Variants in MEMO1 observed in about 807,000 individuals in gnomAD.
MEMO1 encodes mediator of cell motility 1.
In MEMO1, 6 loss-of-function variants were observed where a neutral mutation model predicts 45.2. The ratio of observed to expected loss-of-function variants is 0.13; its 90% CI spans 0.07 to 0.26. MEMO1 has a LOEUF of 0.26. Ranked by LOEUF, MEMO1 falls within the 10% of genes least tolerant of loss-of-function variation. MEMO1 has a pLI of 1.00. For missense variants in MEMO1, 184 were observed against 370.5 expected, an observed-to-expected ratio of 0.50 and a Z score of 4.13; for synonymous variants, 78 against 124.3, an observed-to-expected ratio of 0.63 and a Z score of 2.48.
chr2:31,884,245 G>C (rs1021328903), intron 7 of MEMO1, among the ~76,000 whole-genome samples: 14 of 152,082 alleles, frequency 9.2e-5, no homozygotes, highest in Admixed American at 2.6e-4. Flanking sequence ...TGAAAATCAA[G>C]TTAAAAATTT....
chr2:31,880,524 A>G (rs536427906), intron 8 of MEMO1, among the ~76,000 whole-genome samples: 69 of 152,350 alleles, frequency 4.5e-4, no homozygotes, highest in South Asian at 6.2e-4. Context: ...TTACTAAAAT[A>G]TTTGATCTAC....
intron 8 of MEMO1, among the ~76,000 whole-genome samples, chr2:31,879,266 T>C (rs1453439209): frequency 1.3e-5 from 2 of 152,192 alleles, no homozygotes; most frequent in African/African-American, 4.8e-5. Context: ...TCCTCCCTCT[T>C]TGCTAAATAA....
At chr2:31,951,585 T>G (rs1414294551) in intron 2 of MEMO1, among the ~76,000 whole-genome samples, 2 of 151,934 alleles carry the variant, frequency 1.3e-5, no homozygotes, top group African/African-American at 4.8e-5. Flanking sequence ...CAGGCTGAAG[T>G]GCAGTGGCAC....
intron 6 of MEMO1, among the ~76,000 whole-genome samples, chr2:31,912,058 G>A (rs1365358224): frequency 6.6e-6 from 1 of 152,140 alleles, no homozygotes. Context: ...TATAGGCTGG[G>A]AGCGGTGGGT....
chr2:31,909,333 G>T (rs1302637921), intron 6 of MEMO1, among the ~76,000 whole-genome samples: 1 of 152,126 alleles, frequency 6.6e-6, no homozygotes, highest in Non-Finnish European at 1.5e-5. Context: ...TTGTTTGCAG[G>T]TGACATGGTC....
intron 2 of MEMO1, among the ~76,000 whole-genome samples, chr2:31,967,426 TAGTC>T (rs779712960): frequency 6.7e-6 from 1 of 150,304 alleles, no homozygotes; most frequent in African/African-American, 2.5e-5. Flanking sequence ...GCCCGGCCAA[TAGTC>T]AGTAACTATT....
In MEMO1 at chr2:31,979,449, C is replaced by A. The variant is rs538430014; in HGVS notation, c.61+30738G>T. ...AAAAGTTAACTAATACTAAACTGATCTTTACATGAGGTTTCACACTTATTA... is the reference window on the plus strand; with the variant it reads ...AAAAGTTAACTAATACTAAACTGATATTTACATGAGGTTTCACACTTATTA... On this transcript the variant is annotated intron_variant, in intron 2 of 9. Coordinates refer to ENST00000404530, the MANE Select transcript of MEMO1 (RefSeq NM_001301833.4). 3.3e-5 allele frequency among the ~76,000 whole-genome samples: 5 copies of A among 152,182 alleles called. No homozygotes were observed. In the East Asian group the frequency reaches 7.7e-4, roughly 24 times the overall value.
intron 7 of MEMO1, among the ~76,000 whole-genome samples, chr2:31,887,469 T>C (rs1279487507): frequency 6.6e-6 from 1 of 152,180 alleles, no homozygotes; most frequent in Non-Finnish European, 1.5e-5. Context: ...TAAGCCACTT[T>C]CAAATATTTA....
intron 2 of MEMO1, among the ~76,000 whole-genome samples, chr2:31,964,534 TA>T (rs921587964): frequency 6.6e-6 from 1 of 151,610 alleles, no homozygotes; most frequent in African/African-American, 2.4e-5. Flanking sequence ...CCGTCTCTAC[TA>T]AAAACACAAA....
intron 2 of MEMO1, among the ~76,000 whole-genome samples, chr2:31,988,875 AC>A: frequency 6.6e-6 from 1 of 152,268 alleles, no homozygotes. Flanking sequence ...ACAACTAGTT[AC>A]TTACTCTTGG....
intron 2 of MEMO1, among the ~76,000 whole-genome samples, chr2:31,978,584 C>A (rs1233138345): frequency 1.3e-5 from 2 of 152,208 alleles, no homozygotes; most frequent in Non-Finnish European, 1.5e-5. Flanking sequence ...AGGCACACGC[C>A]ACCATGACCG....
chr2:32,000,028 C>T (rs1673085630), intron 2 of MEMO1, among the ~76,000 whole-genome samples: 1 of 152,028 alleles, frequency 6.6e-6, no homozygotes, highest in African/African-American at 2.4e-5. Flanking sequence ...AAGCACACAT[C>T]AGCACATCAC....
At chr2:31,988,950 T>C (rs1250843706) in intron 2 of MEMO1, among the ~76,000 whole-genome samples, 4 of 152,060 alleles carry the variant, frequency 2.6e-5, no homozygotes, top group African/African-American at 9.7e-5. Context: ...CTCACGCCTG[T>C]AATCCCAGCA....
chr2:31,924,425 C>T (rs1447740643), intron 4 of MEMO1, among the ~76,000 whole-genome samples: 1 of 148,076 alleles, frequency 6.8e-6, no homozygotes, highest in South Asian at 2.1e-4. Context: ...AATATTAGCA[C>T]ATCATCGGTG....
At chr2:31,958,095 TA>T (rs1458905654) in intron 2 of MEMO1, among the ~76,000 whole-genome samples, 1 of 151,584 alleles carries the variant, frequency 6.6e-6, no homozygotes, top group African/African-American at 2.4e-5. Context: ...TGCAGGGGAA[TA>T]AAAAAAGGTA....
intron 2 of MEMO1, among the ~76,000 whole-genome samples, chr2:31,966,304 G>A (rs576949330): frequency 7.2e-5 from 11 of 152,166 alleles, no homozygotes; most frequent in Admixed American, 1.3e-4. Context: ...ATTTTACTAA[G>A]TTCTCACTTA....
intron 5 of MEMO1, among the ~76,000 whole-genome samples, chr2:31,918,745 G>A (rs1320486656): frequency 1.3e-5 from 2 of 152,106 alleles, no homozygotes; most frequent in Non-Finnish European, 2.9e-5. Flanking sequence ...AAGTTAACAT[G>A]TAAAAAATAT....
At chr2:31,921,031 AATGGCTGAACTGTGTTCCC>A (rs1682248612) in intron 4 of MEMO1, 121 bp from the exon 5 acceptor site, 1 of 639,970 alleles carries the variant, frequency 1.6e-6, no homozygotes, top group African/African-American at 1.9e-5. Context: ...ACCAACTGTT[AATGGCTGAACTGTGTTCCC>A]CTCCAAAATT....
Position 32,000,198 on chromosome 2 carries a change from C to T in MEMO1, c.61+9989G>A, listed in dbSNP as rs566892557. On this transcript the variant is annotated intron_variant, in intron 2 of 9. Transcript: ENST00000404530. ...ACAGCACCCAGCTCAAGTCTTTACT[C>T]AAATGACATCTCAGTGAAGTCTTCC... Among the ~76,000 whole-genome samples the T allele has an allele frequency of 9.3e-5, 14 of 151,098 alleles. No homozygotes were observed. In the South Asian group the frequency reaches 2.5e-3, roughly 27 times the overall value.
Sources: allele counts gnomAD v4.1 joint callset (sites outside exome capture counted in the v4.1 genomes callset), GRCh38; gene constraint gnomAD v4.1.1; transcripts MANE v1.5; gene names NCBI Gene and HGNC (gene_info 2026-07-23, HGNC 2026-07-21).